The following DGKB variants were observed in gnomAD, a reference collection of about 807,000 sequenced individuals.
DGKB encodes diacylglycerol kinase beta.
DGKB carries 67 observed loss-of-function variants against 114.3 expected under a neutral mutation model. The ratio of observed to expected loss-of-function variants is 0.59; its 90% confidence interval spans 0.48 to 0.72. The LOEUF (loss-of-function observed/expected upper bound fraction) is 0.72, where lower values mean the gene tolerates loss of function less well. Among genes scored for constraint, DGKB ranks in the 30% least tolerant of loss-of-function variants. The probability of loss-of-function intolerance (pLI) is 0.00; values close to 1 mark genes in which losing one functional copy is unlikely to be tolerated. For missense variants in DGKB, 907 were observed against 975.2 expected, an observed-to-expected ratio of 0.93 and a Z score of 0.93; for synonymous variants, 398 against 323.1, an observed-to-expected ratio of 1.23 and a Z score of -2.49.
At chr7:14,890,948 C>T (rs529201081) in intron 1 of DGKB, among the ~76,000 whole-genome samples, 1 of 150,770 alleles carries the variant, frequency 6.6e-6, no homozygotes, top group African/African-American at 2.4e-5. Context: ...TACACTTAGT[C>T]GAATTAAAAA....
At chr7:14,799,445 C>T (rs1047848719) in intron 2 of DGKB, among the ~76,000 whole-genome samples, 9 of 152,196 alleles carry the variant, frequency 5.9e-5, no homozygotes, top group Admixed American at 5.9e-4. Context: ...TTAGCAGCTA[C>T]TCTAGATTTA....
intron 20 of DGKB, among the ~76,000 whole-genome samples, chr7:14,573,206 C>T (rs1798641256): frequency 6.6e-6 from 1 of 152,124 alleles, no homozygotes; most frequent in East Asian, 1.9e-4. Context: ...ATTTTTCTTT[C>T]AAATAATAAT....
chr7:14,437,532 T>G (rs1048957595), intron 21 of DGKB, among the ~76,000 whole-genome samples: 2 of 151,972 alleles, frequency 1.3e-5, no homozygotes, highest in African/African-American at 4.8e-5. Flanking sequence ...TAAAAATTAT[T>G]TACTTACCAA....
At chr7:14,698,984 T>C (rs1488403402) in intron 7 of DGKB, among the ~76,000 whole-genome samples, 1 of 152,026 alleles carries the variant, frequency 6.6e-6, no homozygotes, top group Non-Finnish European at 1.5e-5. Context: ...AGTGCAATAG[T>C]CAAAGAGTAT....
At chr7:14,770,853 G>T (rs1837302509) in intron 2 of DGKB, among the ~76,000 whole-genome samples, 1 of 152,098 alleles carries the variant, frequency 6.6e-6, no homozygotes. Flanking sequence ...AATATTAAAA[G>T]CGGATAGAGC....
chr7:14,655,382 A>T (rs1045031277), intron 13 of DGKB, among the ~76,000 whole-genome samples: 2 of 151,918 alleles, frequency 1.3e-5, no homozygotes, highest in African/African-American at 4.8e-5. Context: ...AAAGACAAAA[A>T]ATAAGAAATA....
At chr7:14,828,461 A>G (rs1845987713) in intron 2 of DGKB, among the ~76,000 whole-genome samples, 1 of 152,120 alleles carries the variant, frequency 6.6e-6, no homozygotes, top group African/African-American at 2.4e-5. Context: ...CAGTTGGAAT[A>G]AGAATTTCCA....
At chr7:14,874,107 G>T (rs151121995) in intron 1 of DGKB, among the ~76,000 whole-genome samples, 2 of 152,034 alleles carry the variant, frequency 1.3e-5, no homozygotes, top group African/African-American at 2.4e-5. Context: ...AGATGAAGAA[G>T]GGATGTACTC....
intron 1 of DGKB, among the ~76,000 whole-genome samples, chr7:14,868,618 C>T (rs980140136): frequency 1.3e-5 from 2 of 149,754 alleles, no homozygotes; most frequent in African/African-American, 2.6e-5. Context: ...CTCTGCCCCT[C>T]ATCCCAATTT....
intron 20 of DGKB, among the ~76,000 whole-genome samples, chr7:14,566,099 G>T (rs1341257009): frequency 6.6e-6 from 1 of 151,854 alleles, no homozygotes; most frequent in Non-Finnish European, 1.5e-5. Context: ...CATATAATTG[G>T]AAAGTATAAT....
intron 21 of DGKB, among the ~76,000 whole-genome samples, chr7:14,417,944 T>G (rs1221668237): frequency 6.6e-6 from 1 of 151,208 alleles, no homozygotes; most frequent in Non-Finnish European, 1.5e-5. Context: ...CTAATTTGCT[T>G]CTTTCAAAAA....
At chr7:14,840,484 C>T (rs1228575029) in intron 2 of DGKB, among the ~76,000 whole-genome samples, 2 of 152,104 alleles carry the variant, frequency 1.3e-5, no homozygotes, top group East Asian at 3.8e-4. Flanking sequence ...AAACAAATTT[C>T]TTATAAATAA....
At chr7:14,510,738 C>A (rs1787863368) in intron 20 of DGKB, among the ~76,000 whole-genome samples, 1 of 152,102 alleles carries the variant, frequency 6.6e-6, no homozygotes, top group African/African-American at 2.4e-5. Context: ...ACAGCTATAG[C>A]CTTACAAAAT....
intron 20 of DGKB, among the ~76,000 whole-genome samples, chr7:14,489,504 C>G (rs1431786937): frequency 6.6e-6 from 1 of 152,134 alleles, no homozygotes; most frequent in Admixed American, 6.6e-5. Flanking sequence ...TTACAGTATT[C>G]ATTCAATCTG....
chr7:14,739,819 T>C (rs1435043235), intron 4 of DGKB, among the ~76,000 whole-genome samples: 2 of 152,226 alleles, frequency 1.3e-5, no homozygotes, highest in African/African-American at 4.8e-5. Context: ...TCTTCTTTTT[T>C]TTCCCAGGAC....
At chr7:14,649,760 G>A (rs1480387601) in intron 13 of DGKB, among the ~76,000 whole-genome samples, 1 of 142,358 alleles carries the variant, frequency 7.0e-6, no homozygotes, top group South Asian at 2.3e-4. Flanking sequence ...CATCTCATGT[G>A]CAGAGACACA....
At chr7:14,172,039 G>A (rs889138719) in intron 25 of DGKB, among the ~76,000 whole-genome samples, 1 of 152,186 alleles carries the variant, frequency 6.6e-6, no homozygotes, top group Non-Finnish European at 1.5e-5. Context: ...AAAAGGAGTG[G>A]AGAAGTGGAA....
intron 23 of DGKB, among the ~76,000 whole-genome samples, chr7:14,263,172 A>G (rs1223520263): frequency 1.3e-5 from 2 of 152,168 alleles, no homozygotes; most frequent in East Asian, 3.9e-4. Flanking sequence ...TTAATTATTG[A>G]TAACATAAAC....
At chr7:14,937,455 A>G (rs1027227792) in intron 1 of DGKB, among the ~76,000 whole-genome samples, 1 of 152,124 alleles carries the variant, frequency 6.6e-6, no homozygotes, top group African/African-American at 2.4e-5. Flanking sequence ...GGAGACTCCA[A>G]GTTTATTTTT....
Sources: allele counts gnomAD v4.1 joint callset (sites outside exome capture counted in the v4.1 genomes callset), GRCh38; gene constraint gnomAD v4.1.1; transcripts MANE v1.5; gene names NCBI Gene and HGNC (gene_info 2026-07-23, HGNC 2026-07-21).